Variants in ACOXL observed in about 807,000 individuals in gnomAD.
ACOXL encodes the protein acyl-coenzyme A oxidase-like protein.
A neutral mutation model predicts 71.9 loss-of-function variants in ACOXL; 70 were observed. That is an observed-to-expected ratio of 0.97 (90% CI 0.80 to 1.19). The LOEUF is 1.19. Ranked by LOEUF, ACOXL falls within the 50% of genes most tolerant of loss-of-function variation. The probability of loss-of-function intolerance (pLI) is 0.00; values close to 1 mark genes in which losing one functional copy is unlikely to be tolerated. For synonymous variants in ACOXL, 253 were observed against 281.6 expected (o/e 0.90, Z 1.02); for missense variants, 703 against 736.3 (o/e 0.95, Z 0.52).
Position 110,754,697 on chromosome 2 carries a change from T to C in ACOXL, c.-22-13671T>C, listed in dbSNP as rs149433209. ...TTTTAATTGTTGAGTAGTATTCCAT[T>C]GTATGGATGTGTCACAGTTTGTTTA... On this transcript the variant is annotated intron_variant, in intron 1 of 17. Transcript: ENST00000439055. 1.4e-3 allele frequency among the ~76,000 whole-genome samples: 214 copies of C among 152,348 alleles called. 1 individual carries two copies. The highest frequency in any genetic ancestry group is 3.4e-3 in the Middle Eastern group (1 of 294).
chr2:111,073,397 A>G (rs779043234), intron 16 of ACOXL, among the ~76,000 whole-genome samples: 1 of 152,084 alleles, frequency 6.6e-6, no homozygotes, highest in Non-Finnish European at 1.5e-5. Context: ...TTTGTTTTAC[A>G]TTTAGATTTA....
At chr2:111,013,398 C>T (rs757286018) in intron 14 of ACOXL, among the ~76,000 whole-genome samples, 1 of 151,398 alleles carries the variant, frequency 6.6e-6, no homozygotes, top group Non-Finnish European at 1.5e-5. Flanking sequence ...GTGGCGGGCA[C>T]CTGTAATCCC....
At chr2:110,986,206 A>G (rs973152437) in intron 12 of ACOXL, among the ~76,000 whole-genome samples, 1 of 152,250 alleles carries the variant, frequency 6.6e-6, no homozygotes, top group African/African-American at 2.4e-5. Flanking sequence ...CATTTATGAT[A>G]TATTGTTGAG....
At chr2:110,789,406 A>T (rs11899990) in intron 3 of ACOXL, among the ~76,000 whole-genome samples, 2 of 152,124 alleles carry the variant, frequency 1.3e-5, no homozygotes, top group African/African-American at 4.8e-5. Flanking sequence ...GGACTGCTAT[A>T]ACAAAATACC....
At chr2:110,802,222 C>G (rs573180624) in intron 8 of ACOXL, among the ~76,000 whole-genome samples, 5 of 152,246 alleles carry the variant, frequency 3.3e-5, no homozygotes, top group Admixed American at 1.3e-4. Flanking sequence ...TCCTTCCCCC[C>G]CCTGCCATTA....
intron 10 of ACOXL, among the ~76,000 whole-genome samples, chr2:110,846,643 A>G (rs62162656): frequency 2.4e-3 from 203 of 84,002 alleles, no homozygotes; most frequent in African/African-American, 5.5e-3. Flanking sequence ...GCATACACGC[A>G]CACACACACA....
chr2:110,983,884 CT>C (rs1390974747), intron 12 of ACOXL, among the ~76,000 whole-genome samples: 3 of 152,118 alleles, frequency 2.0e-5, no homozygotes, highest in Admixed American at 6.5e-5. Flanking sequence ...GAGTCTCACT[CT>C]GTCGCCCAGG....
intron 1 of ACOXL, among the ~76,000 whole-genome samples, chr2:110,760,377 CTCG>C (rs1680241903): frequency 2.0e-5 from 3 of 152,128 alleles, no homozygotes; most frequent in Admixed American, 1.3e-4. Flanking sequence ...ATCTCCTGAC[CTCG>C]TGATCCGCCC....
intron 5 of ACOXL, among the ~76,000 whole-genome samples, chr2:110,798,317 C>T (rs1163157853): frequency 3.4e-5 from 5 of 149,212 alleles, no homozygotes; most frequent in South Asian, 2.1e-4. Flanking sequence ...AGTGCAGTGG[C>T]GCAATCACGG....
chr2:110,856,265 C>G (rs887865855), intron 10 of ACOXL, among the ~76,000 whole-genome samples: 14 of 152,156 alleles, frequency 9.2e-5, no homozygotes, highest in Admixed American at 3.3e-4. Flanking sequence ...ATGATGAAAT[C>G]TGAAGCCATC....
At position 110,968,333 on chromosome 2, in the gene ACOXL, T is replaced by G. The variant is rs1360293383; in HGVS notation, c.1060-18775T>G. 3 of 1,178,990 alleles carry G rather than the reference T, an allele frequency of 2.5e-6. No homozygotes were observed. The African/African-American group carries it at 4.5e-5, about 18-fold the overall frequency. The allele number at this position is 1,178,990 out of a possible 1,614,324, so 73.0% of individuals were successfully genotyped here. A position where few individuals can be genotyped will look rare whatever the true frequency, so the allele number is the denominator to read the frequency against. ...TTTTTTGGCTCCCTGAAGGGAGCTG[T>G]GGCTGGAGGCTCATCTGTCTCTCAT... is the stretch of plus-strand genomic sequence containing the variant. On this transcript the variant is annotated intron_variant, in intron 12 of 17. Coordinates refer to ENST00000439055, the MANE Select transcript of ACOXL (RefSeq NM_001142807.4).
chr2:111,097,166 T>A (rs776431188), intron 17 of ACOXL, among the ~76,000 whole-genome samples: 1 of 152,220 alleles, frequency 6.6e-6, no homozygotes, highest in Non-Finnish European at 1.5e-5. Context: ...TGTCAGATCA[T>A]TGATGCTTTG....
chr2:110,979,633 C>T (rs1012027339), intron 12 of ACOXL, among the ~76,000 whole-genome samples: 12 of 152,050 alleles, frequency 7.9e-5, no homozygotes, highest in Non-Finnish European at 2.9e-5. Context: ...ACAGGGGGTG[C>T]GGGGCAGGGG....
At chr2:110,980,400 G>A (rs1178557739) in intron 12 of ACOXL, among the ~76,000 whole-genome samples, 1 of 152,206 alleles carries the variant, frequency 6.6e-6, no homozygotes, top group Non-Finnish European at 1.5e-5. Flanking sequence ...GGGGACTGAT[G>A]TCATGTGGTG....
intron 11 of ACOXL, among the ~76,000 whole-genome samples, chr2:110,927,739 G>A (rs879702281): frequency 5.9e-5 from 9 of 152,204 alleles, no homozygotes; most frequent in Admixed American, 1.3e-4. Flanking sequence ...ACCTAGTAGC[G>A]TCTGGCTCTC....
At chr2:111,021,718 A>G (rs2064769142) in intron 14 of ACOXL, among the ~76,000 whole-genome samples, 1 of 152,216 alleles carries the variant, frequency 6.6e-6, no homozygotes, top group African/African-American at 2.4e-5. Flanking sequence ...GAAAGGGAGG[A>G]ATCATTTGGA....
intron 16 of ACOXL, among the ~76,000 whole-genome samples, chr2:111,049,726 T>G (rs3827538): frequency 6.6e-6 from 1 of 151,818 alleles, no homozygotes; most frequent in African/African-American, 2.4e-5. Context: ...ACTGTTCATA[T>G]TCACCACCAG....
At chr2:111,116,203 T>C (rs1363361336) in intron 17 of ACOXL, among the ~76,000 whole-genome samples, 1 of 152,242 alleles carries the variant, frequency 6.6e-6, no homozygotes, top group Non-Finnish European at 1.5e-5. Flanking sequence ...TCAGGGATTT[T>C]TCAAGAGTAT....
chr2:110,956,369 T>C (rs1197766677), intron 12 of ACOXL, among the ~76,000 whole-genome samples: 2 of 152,146 alleles, frequency 1.3e-5, no homozygotes, highest in African/African-American at 4.8e-5. Context: ...AGGAACTCTT[T>C]TCTGCCCACT....
Sources: allele counts gnomAD v4.1 joint callset (sites outside exome capture counted in the v4.1 genomes callset), GRCh38; gene constraint gnomAD v4.1.1; transcripts MANE v1.5; gene names NCBI Gene and HGNC (gene_info 2026-07-23, HGNC 2026-07-21).